The following ACAD11 variants were observed in gnomAD, a reference collection of about 807,000 sequenced individuals.
ACAD11 encodes the protein acyl-CoA dehydrogenase family member 11.
In ACAD11, 83 loss-of-function variants were observed where a neutral mutation model predicts 102.2. The observed-to-expected ratio is 0.81, with a 90% CI of 0.68 to 0.97. ACAD11 has a LOEUF of 0.97. Ranked by LOEUF, ACAD11 falls within the 50% of genes least tolerant of loss-of-function variation. The pLI is 0.00. For synonymous variants in ACAD11, 324 were observed against 319.8 expected (o/e 1.01, Z -0.14); for missense variants, 901 against 951.7 (o/e 0.95, Z 0.70).
chr3:132,596,795 T>C (rs193018730), intron 13 of ACAD11, among the ~76,000 whole-genome samples: 59 of 152,300 alleles, frequency 3.9e-4, no homozygotes, highest in Middle Eastern at 3.4e-3. Context: ...AAATAAATAT[T>C]AAATGATGTG....
chr3:132,559,670 G>T (rs1160294940), intron 19 of ACAD11, among the ~76,000 whole-genome samples, 163 bp downstream of exon 19: 1 of 152,058 alleles, frequency 6.6e-6, no homozygotes, highest in Non-Finnish European at 1.5e-5. Context: ...GTAATAATAA[G>T]AGCAACTATT....
At chr3:132,627,408 A>T (rs1361746972) in intron 8 of ACAD11, among the ~76,000 whole-genome samples, 1 of 152,222 alleles carries the variant, frequency 6.6e-6, no homozygotes, top group African/African-American at 2.4e-5. Flanking sequence ...ATCCCGCTTC[A>T]TTAGTTTTGA....
intron 6 of ACAD11, among the ~76,000 whole-genome samples, chr3:132,630,831 C>T (rs575661787): frequency 2.0e-5 from 3 of 152,292 alleles, no homozygotes; most frequent in African/African-American, 7.2e-5. Context: ...AATCCTAGCA[C>T]TTTGCGGGGG....
At chr3:132,628,486 C>T (rs919298938) in intron 7 of ACAD11, 40 bp from the exon 8 acceptor site, 49 of 1,387,378 alleles carry the variant, frequency 3.5e-5, no homozygotes, top group African/African-American at 5.8e-5. Flanking sequence ...CATTGAAAAC[C>T]GTCCTTCAAC....
intron 11 of ACAD11, among the ~76,000 whole-genome samples, chr3:132,613,259 G>T (rs904829230): frequency 2.6e-5 from 4 of 151,796 alleles, no homozygotes; most frequent in African/African-American, 9.7e-5. Flanking sequence ...ATAGCATTAG[G>T]AGAGATACCT....
At chr3:132,572,499 T>C (rs778954566) in intron 17 of ACAD11, among the ~76,000 whole-genome samples, 3 of 152,184 alleles carry the variant, frequency 2.0e-5, no homozygotes, top group Non-Finnish European at 4.4e-5. Context: ...ATGCTATTCC[T>C]ATCAAGCTAC....
chr3:132,600,521 G>C, intron 13 of ACAD11: 4 of 1,613,938 alleles, frequency 2.5e-6, no homozygotes, highest in East Asian at 2.2e-5. Flanking sequence ...ATTTGCAAAA[G>C]TTTTCCTCCC....
intron 1 of ACAD11, among the ~76,000 whole-genome samples, chr3:132,656,353 A>T (rs1937799944): frequency 6.6e-6 from 1 of 152,164 alleles, no homozygotes; most frequent in Non-Finnish European, 1.5e-5. Context: ...TATGAGTAGA[A>T]CTGCTAGGTC....
At chr3:132,572,407 T>C (rs899899500) in intron 17 of ACAD11, among the ~76,000 whole-genome samples, 1 of 152,098 alleles carries the variant, frequency 6.6e-6, no homozygotes, top group Non-Finnish European at 1.5e-5. Flanking sequence ...CATAAACAAA[T>C]GGAAAAACAT....
chr3:132,567,801 G>T (rs772357535), intron 17 of ACAD11, among the ~76,000 whole-genome samples: 75 of 152,056 alleles, frequency 4.9e-4, no homozygotes, highest in Admixed American at 2.4e-3. Flanking sequence ...CTAAGACAGA[G>T]AACAAGATAA....
At chr3:132,571,323 G>T (rs76275703) in intron 17 of ACAD11, among the ~76,000 whole-genome samples, 1 of 143,250 alleles carries the variant, frequency 7.0e-6, no homozygotes, top group African/African-American at 2.6e-5. Context: ...GTCTGTTCAT[G>T]TCTTTGGCCT....
rs1940036632 is a variant in ACAD11 at position 132,631,389 on chromosome 3, G to T, written c.793C>A (p.Pro265Thr). Reference protein sequence around the residue: ...LAHFSLFYFWPRTVPMINQGS... With the variant: ...LAHFSLFYFWTRTVPMINQGS... ...TGATTTATCATTGGAACTGTCCTTGGCCAAAAGTAGAACAGGGAAAAATGA... is the reference window on the plus strand; with the variant it reads ...TGATTTATCATTGGAACTGTCCTTGTCCAAAAGTAGAACAGGGAAAAATGA... Residue 265 changes from proline to threonine, a missense_variant, in exon 6 of 20, where the codon CCA becomes ACA. Pro to Thr is a conservative substitution (Grantham distance 38). Coordinates refer to ENST00000264990, the MANE Select transcript of ACAD11 (RefSeq NM_032169.5). 1.9e-6 allele frequency: 3 copies of T among 1,561,520 alleles called. No individual in the cohort carries two copies. Among genetic ancestry groups the T allele is most frequent in the Non-Finnish European group, 1.7e-6 (2 of 1,151,324 alleles).
chr3:132,612,391 A>G (rs1472513521), intron 11 of ACAD11, among the ~76,000 whole-genome samples: 2 of 152,056 alleles, frequency 1.3e-5, no homozygotes, highest in African/African-American at 4.8e-5. Context: ...TAATTAAACT[A>G]AAGAGCTTCT....
chr3:132,564,944 G>C (rs561767319), intron 17 of ACAD11, among the ~76,000 whole-genome samples: 1 of 152,072 alleles, frequency 6.6e-6, no homozygotes, highest in South Asian at 2.1e-4. Flanking sequence ...GGTTCTTCCC[G>C]GCAGCTGAAG....
chr3:132,559,604 A>G (rs1425659545), intron 19 of ACAD11, among the ~76,000 whole-genome samples: 1 of 152,082 alleles, frequency 6.6e-6, no homozygotes, highest in African/African-American at 2.4e-5. Context: ...CAGCCCAGGA[A>G]TCCTCAGTGG....
chr3:132,585,816 G>T (rs1032012738), intron 13 of ACAD11, among the ~76,000 whole-genome samples: 4 of 152,146 alleles, frequency 2.6e-5, no homozygotes, highest in African/African-American at 9.7e-5. Context: ...AGTTAGAATG[G>T]CAATCATTAA....
intron 17 of ACAD11, among the ~76,000 whole-genome samples, chr3:132,573,506 C>CTAT (rs1245658472): frequency 6.6e-6 from 1 of 151,812 alleles, no homozygotes; most frequent in African/African-American, 2.4e-5. Flanking sequence ...AAAAATGTTG[C>CTAT]TATTAGAACA....
At chr3:132,586,272 A>G (rs1046194467) in intron 13 of ACAD11, among the ~76,000 whole-genome samples, 2 of 152,172 alleles carry the variant, frequency 1.3e-5, no homozygotes, top group Non-Finnish European at 2.9e-5. Context: ...GTTCTCACTC[A>G]TAGGTGGGAA....
chr3:132,566,508 G>C (rs11713449), intron 17 of ACAD11, among the ~76,000 whole-genome samples: 16,555 of 152,018 alleles, frequency 0.11, 1,494 homozygotes, highest in East Asian at 0.54. Context: ...ATAAATCCTA[G>C]AAATCCATAC....
Sources: gnomAD v4.1 joint callset for allele counts (sites outside exome capture counted in the v4.1 genomes callset) on GRCh38, gnomAD v4.1.1 for gene constraint, MANE v1.5 for transcripts, NCBI Gene and HGNC (gene_info 2026-07-23, HGNC 2026-07-21) for gene names.